NBEA: variants seen among roughly 807,000 people sequenced by gnomAD.
NBEA encodes the protein neurobeachin.
In NBEA, 44 loss-of-function variants were observed where a neutral mutation model predicts 343.4. The observed-to-expected ratio is 0.13, with a 90% CI of 0.10 to 0.16. The LOEUF (loss-of-function observed/expected upper bound fraction) is 0.16. Among genes scored for constraint, NBEA ranks in the 10% least tolerant of loss-of-function variants. The pLI, the probability that NBEA is intolerant of heterozygous loss-of-function variation, is 1.00. For synonymous variants in NBEA, 1,175 were observed against 1,238.7 expected (o/e 0.95, Z 1.08); for missense variants, 2,555 against 3,631.3 (o/e 0.70, Z 7.62).
intron 1 of NBEA, among the ~76,000 whole-genome samples, chr13:35,034,034 G>A (rs922326853): frequency 6.6e-6 from 1 of 151,622 alleles, no homozygotes; most frequent in Non-Finnish European, 1.5e-5. Context: ...GGGACTTCCA[G>A]GACTATGTTG....
intron 33 of NBEA, among the ~76,000 whole-genome samples, chr13:35,229,736 T>G (rs1282042025): frequency 1.3e-5 from 2 of 152,166 alleles, no homozygotes; most frequent in East Asian, 3.8e-4. Context: ...TAATCCTTAT[T>G]TTCAGGCGAT....
intron 10 of NBEA, among the ~76,000 whole-genome samples, chr13:35,096,818 A>G (rs867870008): frequency 6.6e-6 from 1 of 151,910 alleles, no homozygotes; most frequent in Non-Finnish European, 1.5e-5. Flanking sequence ...TTTAAAATGG[A>G]CTAGATTGCT....
At chr13:35,615,135 A>AC (rs1405093283) in intron 48 of NBEA, among the ~76,000 whole-genome samples, 1 of 149,236 alleles carries the variant, frequency 6.7e-6, no homozygotes, top group Non-Finnish European at 1.5e-5. Context: ...AATACAAAAA[A>AC]AAAAAAAACA....
At chr13:35,301,773 A>G (rs1428199064) in intron 35 of NBEA, among the ~76,000 whole-genome samples, 1 of 152,114 alleles carries the variant, frequency 6.6e-6, no homozygotes, top group Non-Finnish European at 1.5e-5. Context: ...TGTCTTCCAC[A>G]CTGGCTGAAC....
chr13:35,387,712 T>C (rs989198633), intron 38 of NBEA, among the ~76,000 whole-genome samples: 2 of 152,060 alleles, frequency 1.3e-5, no homozygotes, highest in Non-Finnish European at 2.9e-5. Flanking sequence ...GTGAAGTTCC[T>C]GTTGTATAAT....
chr13:35,432,161 C>G, intron 38 of NBEA, 108 bp from the exon 39 acceptor site: 1 of 855,030 alleles, frequency 1.2e-6, no homozygotes, highest in Non-Finnish European at 1.7e-6. Flanking sequence ...CCAAAATTAT[C>G]TTAATTTTTC....
chr13:35,584,165 A>G, intron 46 of NBEA, 127 bp downstream of exon 46: 1 of 1,014,866 alleles, frequency 9.9e-7, no homozygotes, highest in East Asian at 2.4e-5. Flanking sequence ...TAGAAATTAA[A>G]GATTTCAAAG....
At chr13:35,578,626 A>T (rs1471893913) in intron 45 of NBEA, among the ~76,000 whole-genome samples, 1 of 152,180 alleles carries the variant, frequency 6.6e-6, no homozygotes, top group Non-Finnish European at 1.5e-5. Context: ...TGCCTTGCTG[A>T]CCTCAGATAC....
chr13:35,477,829 C>CA (rs2152963412), intron 41 of NBEA, among the ~76,000 whole-genome samples: 1 of 152,088 alleles, frequency 6.6e-6, no homozygotes, highest in Non-Finnish European at 1.5e-5. Flanking sequence ...ATTTTGAAAA[C>CA]AAAAATGAAA....
chr13:35,462,854 GGGGAAT>G (rs1246715913), intron 40 of NBEA, among the ~76,000 whole-genome samples: 1 of 152,164 alleles, frequency 6.6e-6, no homozygotes, highest in African/African-American at 2.4e-5. Context: ...GTAAGAATGA[GGGGAAT>G]CAGGCCTGAG....
chr13:35,135,006 T>G (rs1359447167), intron 17 of NBEA, among the ~76,000 whole-genome samples: 5 of 152,034 alleles, frequency 3.3e-5, no homozygotes, highest in Non-Finnish European at 7.4e-5. Context: ...TGTTCATTCA[T>G]TCGGTTTTTC....
intron 46 of NBEA, among the ~76,000 whole-genome samples, chr13:35,588,583 AC>A (rs2081389182): frequency 6.6e-6 from 1 of 152,168 alleles, no homozygotes; most frequent in Non-Finnish European, 1.5e-5. Context: ...TAAACAAACT[AC>A]CAGTGAAATC....
chr13:35,252,328 C>G (rs2032075335), intron 34 of NBEA, among the ~76,000 whole-genome samples: 1 of 152,218 alleles, frequency 6.6e-6, no homozygotes, highest in Admixed American at 6.5e-5. Context: ...ATGATTCAGT[C>G]AGCTCTGCCA....
Position 35,171,088 on chromosome 13 carries a change from T to C in NBEA, c.4243-184T>C, listed in dbSNP as rs755275654. ...TTTTCCTTTATTCAAGGATAATTGA[T>C]AGGTAAAGTAACCGAATTTGGTAAC... is the stretch of plus-strand genomic sequence containing the variant. On this transcript the variant is annotated intron_variant, in intron 25 of 58. Coordinates refer to ENST00000379939, the MANE Select transcript of NBEA (RefSeq NM_001385012.1). 4.1e-6 allele frequency: 3 copies of C among 727,642 alleles called. No individual in the cohort carries two copies. In the South Asian group the frequency reaches 4.3e-5, roughly 10 times the overall value. 45.1% of individuals were successfully genotyped at this position (727,642 alleles called of 1,614,324 possible). A position where few individuals can be genotyped will look rare whatever the true frequency, so the allele number is the denominator to read the frequency against.
chr13:35,198,988 T>C (rs1217429478), intron 31 of NBEA, among the ~76,000 whole-genome samples: 1 of 152,066 alleles, frequency 6.6e-6, no homozygotes, highest in East Asian at 1.9e-4. Flanking sequence ...GAGGCACAAA[T>C]TGGTGTGTCT....
intron 8 of NBEA, among the ~76,000 whole-genome samples, chr13:35,069,614 A>G (rs1355509726): frequency 6.6e-6 from 1 of 152,154 alleles, no homozygotes; most frequent in African/African-American, 2.4e-5. Context: ...TAGTCAAGTA[A>G]CATCCTATTT....
chr13:35,670,853 A>G (rs3794387), intron 58 of NBEA, 48 bp from the exon 59 acceptor site: 301,961 of 1,329,016 alleles, frequency 0.23, 35,458 homozygotes, highest in Middle Eastern at 0.29. Flanking sequence ...AATAGCAACC[A>G]CAGAAATGAT....
At chr13:35,444,763 A>G (rs1414637061) in intron 39 of NBEA, among the ~76,000 whole-genome samples, 1 of 152,094 alleles carries the variant, frequency 6.6e-6, no homozygotes, top group Non-Finnish European at 1.5e-5. Context: ...TCAAATATCC[A>G]AGATACTAAA....
In NBEA at chr13:35,317,955, C is replaced by T. The variant is rs189117856; in HGVS notation, c.5903+8363C>T. On this transcript the variant is annotated intron_variant, in intron 36 of 58. Coordinates refer to ENST00000379939, the MANE Select transcript of NBEA (RefSeq NM_001385012.1). ...AGATTTTTGCACATTGATTTTGTAT[C>T]CTGAGACTTTGCTGAAGTTGCTTAT... Among the ~76,000 whole-genome samples the T allele has an allele frequency of 1.2e-4, 18 of 152,200 alleles. No homozygotes were observed. The East Asian group carries it at 3.3e-3, about 28-fold the overall frequency.
Sources: allele counts gnomAD v4.1 joint callset (sites outside exome capture counted in the v4.1 genomes callset), GRCh38; gene constraint gnomAD v4.1.1; transcripts MANE v1.5; gene names NCBI Gene and HGNC (gene_info 2026-07-23, HGNC 2026-07-21).